The following TYW1B variants were observed in gnomAD, a reference collection of about 807,000 sequenced individuals.
TYW1B encodes the protein S-adenosyl-L-methionine-dependent tRNA 4-demethylwyosine synthase TYW1B.
TYW1B carries 73 observed loss-of-function variants against 86.9 expected under a neutral mutation model. The ratio of observed to expected loss-of-function variants is 0.84; its 90% CI spans 0.70 to 1.02. TYW1B has a LOEUF of 1.02. TYW1B is among the 50% of genes least tolerant of loss of function. TYW1B has a pLI of 0.00. For missense variants in TYW1B, 637 were observed against 827.4 expected, an observed-to-expected ratio of 0.77 and a Z score of 2.82; for synonymous variants, 248 against 292.8, an observed-to-expected ratio of 0.85 and a Z score of 1.56.
chr7:72,594,514 A>T (rs1554432244), intron 13 of TYW1B, among the ~76,000 whole-genome samples: 1 of 152,216 alleles, frequency 6.6e-6, no homozygotes, highest in African/African-American at 2.4e-5. Flanking sequence ...TCAGTAATTT[A>T]AGATCTCCCT....
rs577826443 is a variant in TYW1B, at chr7:72,632,145, T to C, written c.1507-3148A>G. On this transcript the variant is annotated intron_variant, in intron 11 of 13. Coordinates refer to ENST00000620995, the MANE Select transcript of TYW1B (RefSeq NM_001145440.3). ...GACCCCATCACTACAAAAAATACAA[T>C]AGCCGGGCATGGCTGAAGCAGGAGG... Among the ~76,000 whole-genome samples, 5 of 149,458 alleles carry C rather than the reference T, an allele frequency of 3.3e-5. No individual in the cohort carries two copies. The South Asian group carries it at 1.1e-3, about 32-fold the overall frequency.
chr7:72,750,447 A>G (rs1291427001), intron 7 of TYW1B, among the ~76,000 whole-genome samples: 6 of 152,262 alleles, frequency 3.9e-5, no homozygotes, highest in African/African-American at 1.4e-4. Flanking sequence ...AATTGGTGCT[A>G]CCTTATAGGT....
chr7:72,788,410 T>G (rs552499661), intron 6 of TYW1B, among the ~76,000 whole-genome samples: 1 of 152,142 alleles, frequency 6.6e-6, no homozygotes, highest in Non-Finnish European at 1.5e-5. Context: ...GGATCAGAAG[T>G]TTTTCAGATT....
Position 72,575,408 on chromosome 7 carries a change from T to G in TYW1B, c.*90A>C, listed in dbSNP as rs1810997932. The G allele has an allele frequency of 6.6e-7, 1 of 1,515,502 alleles. No homozygotes were observed. The allele number at this position is 1,515,502 out of a possible 1,614,324, so 93.9% of individuals were successfully genotyped here. ...CCTTTGTATGAAAGTATAATTTACGTAATTCGTCCTTGGAGAATCAGAGTG... is the reference window on the plus strand; with the variant it reads ...CCTTTGTATGAAAGTATAATTTACGGAATTCGTCCTTGGAGAATCAGAGTG... On this transcript the variant is annotated 3_prime_UTR_variant, in exon 14 of 14. Coordinates refer to ENST00000620995, the MANE Select transcript of TYW1B (RefSeq NM_001145440.3).
At chr7:72,604,530 C>T (rs1468558522) in intron 13 of TYW1B, among the ~76,000 whole-genome samples, 7 of 151,984 alleles carry the variant, frequency 4.6e-5, no homozygotes, top group East Asian at 1.9e-4. Flanking sequence ...ATGTGGATTC[C>T]GCAAGCCATA....
intron 11 of TYW1B, among the ~76,000 whole-genome samples, chr7:72,685,044 G>A (rs2154646): frequency 0.78 from 117,618 of 151,270 alleles, 46,370 homozygotes; most frequent in Middle Eastern, 0.86. Context: ...CCTGGGAGGC[G>A]GAGGTTGCAG....
intron 6 of TYW1B, among the ~76,000 whole-genome samples, chr7:72,784,164 T>C (rs1325032491): frequency 1.4e-5 from 2 of 146,716 alleles, no homozygotes; most frequent in East Asian, 3.9e-4. Flanking sequence ...AAAGTAGCAA[T>C]AGGCTTTACA....
chr7:72,657,302 A>T (rs180907295), intron 11 of TYW1B, among the ~76,000 whole-genome samples: 139 of 152,272 alleles, frequency 9.1e-4, no homozygotes, highest in African/African-American at 2.5e-3. Context: ...AGATTTTTTT[A>T]AAAAAGATAA....
At chr7:72,715,098 C>T (rs1161958206) in intron 9 of TYW1B, among the ~76,000 whole-genome samples, 2 of 152,090 alleles carry the variant, frequency 1.3e-5, no homozygotes, top group African/African-American at 4.8e-5. Flanking sequence ...TTGGAATCAC[C>T]TTGGAATCTT....
At chr7:72,805,130 C>A (rs1390122445) in intron 5 of TYW1B, among the ~76,000 whole-genome samples, 1 of 151,546 alleles carries the variant, frequency 6.6e-6, no homozygotes, top group Admixed American at 6.6e-5. Context: ...CACAAAGATG[C>A]CAATCCAGTA....
At chr7:72,784,478 T>C (rs549623380) in intron 6 of TYW1B, among the ~76,000 whole-genome samples, 1 of 152,322 alleles carries the variant, frequency 6.6e-6, no homozygotes, top group East Asian at 1.9e-4. Flanking sequence ...AATCTAGTTA[T>C]GTATTTTGAT....
intron 8 of TYW1B, among the ~76,000 whole-genome samples, chr7:72,741,497 G>T (rs1399850992): frequency 6.6e-6 from 1 of 152,112 alleles, no homozygotes; most frequent in Non-Finnish European, 1.5e-5. Context: ...AGAGCTGGGG[G>T]ACACCATCAA....
At chr7:72,597,808 T>C (rs1811572877) in intron 13 of TYW1B, among the ~76,000 whole-genome samples, 1 of 152,046 alleles carries the variant, frequency 6.6e-6, no homozygotes, top group South Asian at 2.1e-4. Flanking sequence ...TTGCATCATA[T>C]TATATCCATT....
intron 11 of TYW1B, among the ~76,000 whole-genome samples, chr7:72,669,821 G>A (rs1296845574): frequency 6.6e-6 from 1 of 152,102 alleles, no homozygotes; most frequent in East Asian, 1.9e-4. Flanking sequence ...CTGGCTGGAT[G>A]TGGTGATTCA....
At chr7:72,690,844 T>C (rs139453187) in intron 11 of TYW1B, among the ~76,000 whole-genome samples, 12,713 of 152,102 alleles carry the variant, frequency 0.084, 591 homozygotes, top group African/African-American at 0.11. Flanking sequence ...GCCTCCCGGG[T>C]TGAAGCAATT....
intron 7 of TYW1B, among the ~76,000 whole-genome samples, chr7:72,757,578 T>A (rs1335064861): frequency 6.6e-6 from 1 of 152,144 alleles, no homozygotes; most frequent in African/African-American, 2.4e-5. Context: ...CCTGCCCATA[T>A]GATGGACTGA....
chr7:72,825,818 C>A (rs1402984998), intron 2 of TYW1B, among the ~76,000 whole-genome samples: 2 of 152,176 alleles, frequency 1.3e-5, no homozygotes, highest in Non-Finnish European at 2.9e-5. Flanking sequence ...TTTCTCTAGC[C>A]TGCTGAGGCA....
At chr7:72,770,460 A>C (rs1269892753) in intron 7 of TYW1B, among the ~76,000 whole-genome samples, 5 of 151,702 alleles carry the variant, frequency 3.3e-5, no homozygotes, top group Non-Finnish European at 7.4e-5. Context: ...AAAAGAAAAA[A>C]CACAATGAGG....
chr7:72,621,863 G>A (rs1380287148), intron 12 of TYW1B, among the ~76,000 whole-genome samples: 1 of 152,220 alleles, frequency 6.6e-6, no homozygotes, highest in Non-Finnish European at 1.5e-5. Context: ...GCTGGTTAGG[G>A]ACTGCTACGT....
Sources: gnomAD v4.1 joint callset for allele counts (sites outside exome capture counted in the v4.1 genomes callset) on GRCh38, gnomAD v4.1.1 for gene constraint, MANE v1.5 for transcripts, NCBI Gene and HGNC (gene_info 2026-07-23, HGNC 2026-07-21) for gene names.